Variants in SYCP1 observed in about 807,000 individuals in gnomAD.
The protein encoded by SYCP1 is cancer/testis antigen 8.
SYCP1 carries 64 observed loss-of-function variants against 153.1 expected under a neutral mutation model. The ratio of observed to expected loss-of-function variants is 0.42; its 90% CI spans 0.34 to 0.51. SYCP1 has a LOEUF of 0.51. Among genes scored for constraint, SYCP1 ranks in the 20% least tolerant of loss-of-function variants. SYCP1 has a pLI of 0.06. For missense variants in SYCP1, 997 were observed against 1,049.0 expected, an observed-to-expected ratio of 0.95 and a Z score of 0.68; for synonymous variants, 384 against 341.8, an observed-to-expected ratio of 1.12 and a Z score of -1.36.
chr1:114,943,358 C>A (rs1403167658), intron 23 of SYCP1, among the ~76,000 whole-genome samples: 1 of 151,782 alleles, frequency 6.6e-6, no homozygotes, highest in Non-Finnish European at 1.5e-5. Context: ...GTGCCCTGAA[C>A]AATTGATTAC....
chr1:114,966,925 T>C (rs976257802), intron 27 of SYCP1, among the ~76,000 whole-genome samples: 3 of 152,162 alleles, frequency 2.0e-5, no homozygotes, highest in African/African-American at 7.2e-5. Context: ...CCTCAGGTGA[T>C]TGGCCTTCCT....
chr1:114,925,081 A>T (rs974967722), intron 21 of SYCP1, among the ~76,000 whole-genome samples: 1 of 152,176 alleles, frequency 6.6e-6, no homozygotes, highest in African/African-American at 2.4e-5. Context: ...TCAAAAGGTT[A>T]CATGACTAAG....
chr1:114,953,520 T>G lies in SYCP1; in HGVS notation c.2322+6200T>G, dbSNP rs1237005601. Among the ~76,000 whole-genome samples the G allele has an allele frequency of 1.3e-5, 2 of 152,354 alleles. 1 individual carries two copies. The highest frequency in any genetic ancestry group is 2.9e-5 in the Non-Finnish European group (2 of 68,030). ...AGCGTGAAGTTCAGTTTTTTGCCTA[T>G]GGATCTCAGATTGCTCTGTCACCAG... On this transcript the variant is annotated intron_variant, in intron 27 of 31. Coordinates refer to ENST00000369522, the MANE Select transcript of SYCP1 (RefSeq NM_003176.4).
At chr1:114,862,124 C>T (rs1664422186) in intron 8 of SYCP1, among the ~76,000 whole-genome samples, 3 of 151,826 alleles carry the variant, frequency 2.0e-5, no homozygotes, top group Admixed American at 6.6e-5. Context: ...TTAGTCCCTG[C>T]CTGTATTACC....
chr1:114,876,899 A>G, intron 11 of SYCP1, 89 bp downstream of exon 11: 1 of 628,578 alleles, frequency 1.6e-6, no homozygotes, highest in African/African-American at 1.9e-5. Flanking sequence ...ATTTACTGAA[A>G]GTATGATAAA....
At chr1:114,910,565 T>A in intron 17 of SYCP1, 64 bp downstream of exon 17, 1 of 1,013,904 alleles carries the variant, frequency 9.9e-7, no homozygotes, top group Non-Finnish European at 1.4e-6. Context: ...TTATGGATTA[T>A]GGTATAAGTA....
intron 7 of SYCP1, among the ~76,000 whole-genome samples, chr1:114,860,029 G>A (rs867744397): frequency 4.6e-5 from 7 of 152,240 alleles, no homozygotes; most frequent in Middle Eastern, 3.4e-3. Flanking sequence ...AAAATGTCAG[G>A]CATCAGGAAT....
rs542283391 is a variant in SYCP1, at chr1:114,972,405, A to G, written c.2323-5152A>G. Among the ~76,000 whole-genome samples the G allele has an allele frequency of 3.3e-5, 5 of 151,686 alleles. No individual in the cohort carries two copies. The East Asian group carries it at 9.7e-4, about 29-fold the overall frequency. ...TTGATCTTTTGTATCATTTTCTTCA[A>G]TTTCATTTATTTCTGCTCTGATCTT... On this transcript the variant is annotated intron_variant, in intron 27 of 31. Transcript: ENST00000369522.
chr1:114,953,577 T>C (rs976933739), intron 27 of SYCP1, among the ~76,000 whole-genome samples: 2 of 152,238 alleles, frequency 1.3e-5, no homozygotes, highest in African/African-American at 4.8e-5. Context: ...CTCCATTGAA[T>C]TACTTTCAAA....
intron 27 of SYCP1, among the ~76,000 whole-genome samples, chr1:114,964,966 T>A (rs1363951475): frequency 6.6e-6 from 1 of 152,234 alleles, no homozygotes; most frequent in African/African-American, 2.4e-5. Context: ...CATGGCCATT[T>A]TCATGGTATT....
chr1:114,936,399 A>G (rs959453203), intron 23 of SYCP1, among the ~76,000 whole-genome samples: 4 of 152,208 alleles, frequency 2.6e-5, no homozygotes, highest in Non-Finnish European at 5.9e-5. Context: ...GATGGAACAT[A>G]TCTCAAAATA....
chr1:114,951,761 C>T (rs1314606038), intron 27 of SYCP1, among the ~76,000 whole-genome samples: 1 of 152,180 alleles, frequency 6.6e-6, no homozygotes, highest in Non-Finnish European at 1.5e-5. Flanking sequence ...GTTCCATCTC[C>T]ATAAAGATTC....
intron 16 of SYCP1, among the ~76,000 whole-genome samples, chr1:114,905,441 G>A (rs1186316427): frequency 6.6e-6 from 1 of 152,098 alleles, no homozygotes; most frequent in African/African-American, 2.4e-5. Flanking sequence ...GTGCTTCAGA[G>A]GCAATACTAG....
chr1:114,907,755 G>A (rs1570746764), intron 16 of SYCP1, among the ~76,000 whole-genome samples: 2 of 151,814 alleles, frequency 1.3e-5, no homozygotes, highest in East Asian at 1.9e-4. Flanking sequence ...CTAATTTTTT[G>A]TATTTTTAGT....
chr1:114,991,736 A>G (rs568488573), intron 30 of SYCP1, among the ~76,000 whole-genome samples: 1 of 151,894 alleles, frequency 6.6e-6, no homozygotes, highest in Non-Finnish European at 1.5e-5. Context: ...ACCCCCTAAT[A>G]TTAAGAATGA....
At chr1:114,878,042 AG>A in intron 11 of SYCP1, 51 bp from the exon 12 acceptor site, 2 of 1,009,864 alleles carry the variant, frequency 2.0e-6, no homozygotes, top group Admixed American at 4.7e-5. Flanking sequence ...ATAAATGTTA[AG>A]GTGTCATATT....
intron 27 of SYCP1, among the ~76,000 whole-genome samples, chr1:114,973,038 A>G (rs1017253340): frequency 6.6e-6 from 1 of 152,122 alleles, no homozygotes; most frequent in African/African-American, 2.4e-5. Context: ...TGATAGGATA[A>G]GCCGTGGTTA....
intron 27 of SYCP1, among the ~76,000 whole-genome samples, chr1:114,965,356 T>A (rs1553204328): frequency 6.6e-6 from 1 of 152,182 alleles, no homozygotes; most frequent in Non-Finnish European, 1.5e-5. Context: ...TATTTGTTTC[T>A]CTTACCTGAT....
At chr1:114,924,145 T>C (rs1370221813) in intron 21 of SYCP1, among the ~76,000 whole-genome samples, 1 of 152,178 alleles carries the variant, frequency 6.6e-6, no homozygotes. Context: ...TAAAGTTTTT[T>C]ATTGAGCAGG....
Sources: gnomAD v4.1 joint callset for allele counts (sites outside exome capture counted in the v4.1 genomes callset) on GRCh38, gnomAD v4.1.1 for gene constraint, MANE v1.5 for transcripts, NCBI Gene and HGNC (gene_info 2026-07-23, HGNC 2026-07-21) for gene names.